The following TIPARP variants were observed in gnomAD, a reference collection of about 807,000 sequenced individuals.
TIPARP encodes the protein TCDD inducible poly(ADP-ribose) polymerase.
Under a neutral mutation model 56.5 loss-of-function variants are expected in TIPARP, and 12 were observed. The ratio of observed to expected loss-of-function variants is 0.21; its 90% CI spans 0.14 to 0.34. The LOEUF (loss-of-function observed/expected upper bound fraction) is 0.34, where lower values mean the gene tolerates loss of function less well. Ranked by LOEUF, TIPARP falls within the 10% of genes least tolerant of loss-of-function variation. The probability of loss-of-function intolerance (pLI) is 1.00; values close to 1 mark genes in which losing one functional copy is unlikely to be tolerated. For missense variants in TIPARP, 604 were observed against 781.6 expected, an observed-to-expected ratio of 0.77 and a Z score of 2.71; for synonymous variants, 296 against 265.7, an observed-to-expected ratio of 1.11 and a Z score of -1.11.
intron 5 of TIPARP, among the ~76,000 whole-genome samples, chr3:156,704,163 GATT>G (rs1487295170): frequency 2.0e-5 from 3 of 152,126 alleles, no homozygotes; most frequent in Admixed American, 2.0e-4. Flanking sequence ...ACATAAGTAG[GATT>G]ATTACAATTT....
intron 5 of TIPARP, 22 bp from the exon 6 acceptor site, chr3:156,704,660 TTC>T (rs777656625): frequency 8.8e-6 from 14 of 1,593,420 alleles, no homozygotes; most frequent in Admixed American, 8.6e-5. Flanking sequence ...TCCTTCTGAA[TTC>T]TCTGTCTGTT....
chr3:156,695,202 T>TTTTATTTATTTATTTATTTATTTATTTA (rs58864139), intron 3 of TIPARP, among the ~76,000 whole-genome samples: 1 of 146,990 alleles, frequency 6.8e-6, no homozygotes, highest in African/African-American at 2.5e-5. Flanking sequence ...CCTTTTCAAA[T>TTTTATTTATTTATTTATTTATTTATTTA]TTTATTTATT....
In TIPARP at chr3:156,678,134, C is replaced by T. The variant is rs1306496410; in HGVS notation, c.437C>T (p.Thr146Ile). The change falls in exon 2 of 6, where the codon ACC (threonine) becomes ATC (isoleucine). Residue 146 changes from threonine to isoleucine, a missense_variant. This residue lies in a region of TIPARP where 261 missense variants were observed against 279.2 expected (regional missense o/e 0.93). Coordinates refer to ENST00000295924, the MANE Select transcript of TIPARP (RefSeq NM_015508.5). ...CAAGATCACAGCTTTCCATCAGAAA[C>T]CCTCAGTGGGACGGTGGCAGATTCC... The part of the protein sequence containing the change: ...PIQDHSFPSE[T>I]LSGTVADSTP... 6.2e-7 allele frequency: 1 copy of T among 1,613,998 alleles called. No individual in the cohort carries two copies. The highest frequency in any genetic ancestry group is 8.5e-7 in the Non-Finnish European group (1 of 1,179,984).
intron 2 of TIPARP, among the ~76,000 whole-genome samples, chr3:156,690,190 C>A (rs145037477): frequency 6.6e-6 from 1 of 152,210 alleles, no homozygotes; most frequent in East Asian, 1.9e-4. Flanking sequence ...AGCTATTTAT[C>A]TGAGAAAGAA....
chr3:156,703,057 A>G (rs1343244618), intron 4 of TIPARP, among the ~76,000 whole-genome samples: 1 of 152,198 alleles, frequency 6.6e-6, no homozygotes, highest in Non-Finnish European at 1.5e-5. Context: ...TCTGCTTAGT[A>G]TCAGCACATT....
intron 2 of TIPARP, among the ~76,000 whole-genome samples, chr3:156,688,890 C>T (rs955493140): frequency 5.9e-5 from 9 of 152,140 alleles, no homozygotes; most frequent in African/African-American, 2.2e-4. Context: ...TAATCTTTAT[C>T]TTTCTATCAT....
rs140846531 is a variant in TIPARP at position 156,677,788 on chromosome 3, G to C, written c.91G>C (p.Glu31Gln). The change falls in exon 2 of 6, where the codon GAG becomes CAG. Residue 31 changes from glutamate (E) to glutamine (Q), a missense_variant. Transcript: ENST00000295924. The stretch of plus-strand genomic sequence containing the variant: ...CTTTTCATGCCAAATGAGACTCTCT[G>C]AGAAGATCACTCCATTGAAGACTTG... ...DDFSCQMRLS[E>Q]KITPLKTCFK... 4.3e-6 allele frequency: 7 copies of C among 1,614,132 alleles called. No homozygotes were observed. The African/African-American group carries it at 8.0e-5, about 18-fold the overall frequency.
At chr3:156,689,280 T>C (rs1047026582) in intron 2 of TIPARP, among the ~76,000 whole-genome samples, 3 of 152,124 alleles carry the variant, frequency 2.0e-5, no homozygotes, top group Admixed American at 6.5e-5. Flanking sequence ...CCTAGACTCT[T>C]TTCACTCTCT....
At position 156,678,289 on chromosome 3, in the gene TIPARP, T is replaced by C. The variant is rs1165006151; in HGVS notation, c.592T>C (p.Tyr198His). Residue 198 changes from tyrosine (Y) to histidine (H), a missense_variant, in exon 2 of 6, where the codon TAC (tyrosine) becomes CAC (histidine). Coordinates refer to ENST00000295924, the MANE Select transcript of TIPARP (RefSeq NM_015508.5). ...CCAAGAAAACAGTTTTACAATCCAA[T>C]ACATTCTGGACACCAGTGATAAGCT... ...IFQENSFTIQ[Y>H]ILDTSDKLST... The C allele has an allele frequency of 3.7e-6, 6 of 1,614,092 alleles. No homozygotes were observed. The highest frequency in any genetic ancestry group is 5.1e-6 in the Non-Finnish European group (6 of 1,180,052).
Position 156,678,547 on chromosome 3 carries a change from G to T in TIPARP, c.850G>T (p.Asp284Tyr). ...TCAAAAGTGGCAGAGTGTATTCAAT[G>T]ATTCTCAGGAGCACTTGGAAAGATT... ...TTQKWQSVFNDSQEHLERFYC... is the reference protein window; with the variant it reads ...TTQKWQSVFNYSQEHLERFYC... Residue 284 changes from aspartate (D) to tyrosine (Y), a missense_variant, in exon 2 of 6, where the codon GAT (aspartate) becomes TAT (tyrosine). Physicochemically the swap from Asp to Tyr is radical, Grantham distance 160. Coordinates refer to ENST00000295924, the MANE Select transcript of TIPARP (RefSeq NM_015508.5). 6.2e-7 allele frequency: 1 copy of T among 1,614,174 alleles called. No individual in the cohort carries two copies. The highest frequency in any genetic ancestry group is 1.1e-5 in the South Asian group (1 of 91,068).
intron 4 of TIPARP, among the ~76,000 whole-genome samples, chr3:156,697,918 T>C (rs560175792): frequency 4.6e-5 from 7 of 152,296 alleles, no homozygotes; most frequent in Admixed American, 3.9e-4. Flanking sequence ...GCTAGGCCTC[T>C]TGTGCCTTAA....
At chr3:156,685,731 G>A (rs1400769972) in intron 2 of TIPARP, among the ~76,000 whole-genome samples, 4 of 152,044 alleles carry the variant, frequency 2.6e-5, no homozygotes, top group Admixed American at 1.3e-4. Flanking sequence ...CCACTTATAC[G>A]ACATAGCCAA....
intron 5 of TIPARP, 57 bp from the exon 6 acceptor site, chr3:156,704,627 C>T (rs1242009837): frequency 4.6e-5 from 71 of 1,533,286 alleles, no homozygotes; most frequent in Non-Finnish European, 5.8e-5. Flanking sequence ...TACATCATGC[C>T]TGTTAAATTG....
At position 156,705,353 on chromosome 3, in the gene TIPARP, G is replaced by T. The variant is rs1722955046; in HGVS notation, c.*222G>T. 2 of 429,712 alleles carry T rather than the reference G, an allele frequency of 4.7e-6. No individual in the cohort carries two copies. Among genetic ancestry groups the T allele is most frequent in the Non-Finnish European group, 8.3e-6 (2 of 241,328 alleles). The allele number at this position is 429,712 out of a possible 1,614,324, so 26.6% of individuals were successfully genotyped here. A position where few individuals can be genotyped will look rare whatever the true frequency, so the allele number is the denominator to read the frequency against. On this transcript the variant is annotated 3_prime_UTR_variant, in exon 6 of 6. Coordinates refer to ENST00000295924, the MANE Select transcript of TIPARP (RefSeq NM_015508.5). The stretch of plus-strand genomic sequence containing the variant: ...TTTACTAATTGCTAGTGTACTCAGT[G>T]TGGAAAAGACTACAGATTACACACT...
intron 5 of TIPARP, among the ~76,000 whole-genome samples, 185 bp downstream of exon 5, chr3:156,703,887 C>T (rs1193272309): frequency 6.6e-6 from 1 of 151,978 alleles, no homozygotes; most frequent in African/African-American, 2.4e-5. Flanking sequence ...GTGGCGGGCA[C>T]CTGTAGTCCC....
chr3:156,706,074 T>G lies in TIPARP; in HGVS notation c.*943T>G, dbSNP rs1286102264. ...GCACAAAGTATATTAGCAAAAGTAT[T>G]TGCTGGAATTATTGGTAGATGGCAG... On this transcript the variant is annotated 3_prime_UTR_variant, in exon 6 of 6. Coordinates refer to ENST00000295924, the MANE Select transcript of TIPARP (RefSeq NM_015508.5). 1.3e-5 allele frequency: 2 copies of G among 152,640 alleles called. No individual in the cohort carries two copies. Among genetic ancestry groups the G allele is most frequent in the South Asian group, 2.1e-4 (1 of 4,838 alleles). The allele number at this position is 152,640 out of a possible 1,614,324, so 9.5% of individuals were successfully genotyped here. A position where few individuals can be genotyped will look rare whatever the true frequency, so the allele number is the denominator to read the frequency against.
At chr3:156,690,981 C>G (rs1722559724) in intron 2 of TIPARP, among the ~76,000 whole-genome samples, 1 of 152,160 alleles carries the variant, frequency 6.6e-6, no homozygotes. Context: ...TCTTAAGGCT[C>G]TGACACCCTG....
chr3:156,693,281 C>T (rs1200815018), intron 2 of TIPARP, among the ~76,000 whole-genome samples: 2 of 152,134 alleles, frequency 1.3e-5, no homozygotes, highest in African/African-American at 2.4e-5. Flanking sequence ...TTTTATTGGA[C>T]TACCTTTTAT....
intron 1 of TIPARP, chr3:156,676,566 T>C (rs1722134536): frequency 6.6e-6 from 1 of 152,210 alleles, no homozygotes; most frequent in South Asian, 2.1e-4. Flanking sequence ...AGGCACTTTA[T>C]TGGGCACCTA....
Sources: allele counts gnomAD v4.1 joint callset (sites outside exome capture counted in the v4.1 genomes callset), GRCh38; gene constraint gnomAD v4.1.1; regional missense constraint gnomAD v4.1.1; transcripts MANE v1.5; gene names NCBI Gene and HGNC (gene_info 2026-07-23, HGNC 2026-07-21).